EFCAB5: variants seen among roughly 807,000 people sequenced by gnomAD.
EFCAB5 encodes the protein EF-hand calcium binding domain 5.
A neutral mutation model predicts 167.9 loss-of-function variants in EFCAB5; 131 were observed. That is an observed-to-expected ratio of 0.78 (90% CI 0.68 to 0.90). The LOEUF is 0.90. Ranked by LOEUF, EFCAB5 falls within the 40% of genes least tolerant of loss-of-function variation. The pLI, the probability that EFCAB5 is intolerant of heterozygous loss-of-function variation, is 0.00. For synonymous variants in EFCAB5, 574 were observed against 602.8 expected, an observed-to-expected ratio of 0.95 and a Z score of 0.70; for missense variants, 1,663 against 1,745.2, an observed-to-expected ratio of 0.95 and a Z score of 0.84.
At chr17:29,946,981 G>T (rs374625465) in intron 3 of EFCAB5, among the ~76,000 whole-genome samples, 1 of 151,690 alleles carries the variant, frequency 6.6e-6, no homozygotes, top group South Asian at 2.1e-4. Context: ...TCAAGAGATC[G>T]AGACCATCCT....
At chr17:30,072,085 T>C (rs2070751648) in intron 14 of EFCAB5, among the ~76,000 whole-genome samples, 1 of 152,206 alleles carries the variant, frequency 6.6e-6, no homozygotes, top group Non-Finnish European at 1.5e-5. Flanking sequence ...TCTATAGCAC[T>C]GTAGAGTGAC....
upstream of EFCAB5, among the ~76,000 whole-genome samples, chr17:29,938,034 G>A (rs144728184): frequency 4.0e-4 from 61 of 152,204 alleles, no homozygotes; most frequent in East Asian, 0.011. Context: ...TTTCTCAAAG[G>A]GACCCACCTT....
chr17:30,105,641 C>T (rs939607521), intron 22 of EFCAB5, among the ~76,000 whole-genome samples: 1 of 152,066 alleles, frequency 6.6e-6, no homozygotes, highest in Non-Finnish European at 1.5e-5. Flanking sequence ...ATCTCATGAC[C>T]AGCATCTGTT....
At chr17:29,931,989 T>C (rs1042203497) in intron 1 of EFCAB5, among the ~76,000 whole-genome samples, 2 of 152,134 alleles carry the variant, frequency 1.3e-5, no homozygotes, top group African/African-American at 4.8e-5. Context: ...AAGACCTGGT[T>C]TCTAGTTCCA....
chr17:30,005,581 T>C (rs562823296), intron 7 of EFCAB5, among the ~76,000 whole-genome samples: 1 of 152,278 alleles, frequency 6.6e-6, no homozygotes, highest in East Asian at 1.9e-4. Context: ...AAAAATATAA[T>C]CCTAAGCCTT....
At chr17:30,070,219 T>C (rs1420478130) in intron 14 of EFCAB5, among the ~76,000 whole-genome samples, 1 of 151,630 alleles carries the variant, frequency 6.6e-6, no homozygotes, top group Non-Finnish European at 1.5e-5. Flanking sequence ...TAAATACAAT[T>C]ACAGCCCCTT....
At position 30,050,811 on chromosome 17, in the gene EFCAB5, T is replaced by C. The variant is rs9913571; in HGVS notation, c.1201-307T>C. Among the ~76,000 whole-genome samples, 965 of 152,334 alleles carry C rather than the reference T, an allele frequency of 6.3e-3. 5 individuals are homozygous for C. The highest frequency in any genetic ancestry group is 0.022 in the African/African-American group (925 of 41,568). On this transcript the variant is annotated intron_variant, in intron 8 of 22. Transcript: ENST00000394835. ...GAGCGGTAAATTGTTTCAAGTGACA[T>C]ACTCAGGTCAGGTAAGATAAGTACT...
chr17:30,084,797 A>G (rs985454650), intron 18 of EFCAB5, among the ~76,000 whole-genome samples: 18 of 152,158 alleles, frequency 1.2e-4, no homozygotes, highest in African/African-American at 4.1e-4. Flanking sequence ...CATTTGTCCA[A>G]TGACAGCTGC....
In EFCAB5 at chr17:30,091,983, G is replaced by A. The variant is rs1454611718; in HGVS notation, c.4050G>A (p.Leu1350=). 6.2e-7 allele frequency: 1 copy of A among 1,613,852 alleles called. No homozygotes were observed. The highest frequency in any genetic ancestry group is 8.5e-7 in the Non-Finnish European group (1 of 1,179,886). ...TCAATTCCATGGAATTTGTGTCACT[G>A]TTGCTCTATGACCATACTCTTGTAA... ...QLLNSMEFVS[L]LLYDHTLVTE... is the part of the protein sequence containing the mutation. Residue 1350 remains leucine, a synonymous_variant, in exon 21 of 23, where the codon CTG becomes CTA. Transcript: ENST00000394835.
At chr17:29,933,883 G>C (rs973661741) in intron 1 of EFCAB5, among the ~76,000 whole-genome samples, 5 of 152,052 alleles carry the variant, frequency 3.3e-5, no homozygotes, top group African/African-American at 4.8e-5. Flanking sequence ...TCCACATCAT[G>C]ACATCCATAG....
At chr17:30,058,645 G>C (rs2151794099) in intron 13 of EFCAB5, among the ~76,000 whole-genome samples, 1 of 152,030 alleles carries the variant, frequency 6.6e-6, no homozygotes, top group East Asian at 1.9e-4. Flanking sequence ...TATAAAAAAA[G>C]AATTTTTAAA....
intron 7 of EFCAB5, among the ~76,000 whole-genome samples, chr17:30,011,355 G>T (rs1597664112): frequency 6.6e-6 from 1 of 152,268 alleles, no homozygotes; most frequent in East Asian, 1.9e-4. Flanking sequence ...GTTATTGGTA[G>T]CTTGATGGGG....
intron 19 of EFCAB5, among the ~76,000 whole-genome samples, chr17:30,087,684 A>G (rs140305548): frequency 6.6e-6 from 1 of 152,064 alleles, no homozygotes; most frequent in Non-Finnish European, 1.5e-5. Flanking sequence ...TTCTTTATCC[A>G]TTCTATCATT....
At chr17:30,047,767 G>C (rs1012781922) in intron 8 of EFCAB5, among the ~76,000 whole-genome samples, 4 of 152,154 alleles carry the variant, frequency 2.6e-5, no homozygotes, top group African/African-American at 9.6e-5. Flanking sequence ...TTACAGAAAA[G>C]CACTAACTAT....
intron 18 of EFCAB5, among the ~76,000 whole-genome samples, chr17:30,084,739 A>C (rs1234454619): frequency 1.3e-5 from 2 of 152,088 alleles, no homozygotes; most frequent in Non-Finnish European, 2.9e-5. Context: ...CTGTGTCTCA[A>C]AGATAAACCA....
At chr17:30,082,390 C>CTTTTTTTTTT (rs71138871) in intron 17 of EFCAB5, among the ~76,000 whole-genome samples, 9 of 98,240 alleles carry the variant, frequency 9.2e-5, no homozygotes, top group African/African-American at 1.6e-4. Flanking sequence ...CTTTATACCT[C>CTTTTTTTTTT]TTTTTTTTTT....
intron 7 of EFCAB5, among the ~76,000 whole-genome samples, chr17:30,024,572 T>G (rs2069266543): frequency 6.6e-6 from 1 of 151,914 alleles, no homozygotes; most frequent in African/African-American, 2.4e-5. Context: ...TGCTCATGGG[T>G]AGGAAGAATC....
Position 30,090,642 on chromosome 17 carries a change from T to C in EFCAB5, c.3905T>C (p.Phe1302Ser). 1 of 1,613,368 alleles carries C rather than the reference T, an allele frequency of 6.2e-7. No homozygotes were observed. The highest frequency in any genetic ancestry group is 8.5e-7 in the Non-Finnish European group (1 of 1,179,758). ...GCCTGCTATGAAATACTTGGCGAGT[T>C]CTCTGGAGAGATAAAGAAAAAATAT... ...QVACYEILGE[F>S]SGEIKKKYIL... Residue 1302 changes from phenylalanine (F) to serine (S), a missense_variant, in exon 20 of 23, where the codon TTC becomes TCC. Coordinates refer to ENST00000394835, the MANE Select transcript of EFCAB5 (RefSeq NM_198529.4).
At chr17:30,012,785 T>C (rs1242132392) in intron 7 of EFCAB5, among the ~76,000 whole-genome samples, 18 of 152,210 alleles carry the variant, frequency 1.2e-4, no homozygotes, top group Admixed American at 1.1e-3. Flanking sequence ...CCCTACAGAA[T>C]ACCTTTTATT....
Sources: gnomAD v4.1 joint callset for allele counts (sites outside exome capture counted in the v4.1 genomes callset) on GRCh38, gnomAD v4.1.1 for gene constraint, MANE v1.5 for transcripts, NCBI Gene and HGNC (gene_info 2026-07-23, HGNC 2026-07-21) for gene names.